The following EGFR variants were observed in gnomAD, a reference collection of about 807,000 sequenced individuals.
EGFR encodes the protein epidermal growth factor receptor.
EGFR carries 58 observed loss-of-function variants against 143.0 expected under a neutral mutation model. The observed-to-expected ratio is 0.41, with a 90% CI of 0.33 to 0.50. The LOEUF (loss-of-function observed/expected upper bound fraction) is 0.50, where lower values mean the gene tolerates loss of function less well. Ranked by LOEUF, EGFR falls within the 20% of genes least tolerant of loss-of-function variation. EGFR has a pLI of 0.39. For missense variants in EGFR, 1,307 were observed against 1,579.0 expected, an observed-to-expected ratio of 0.83 and a Z score of 2.92; for synonymous variants, 613 against 594.4, an observed-to-expected ratio of 1.03 and a Z score of -0.45.
intron 1 of EGFR, among the ~76,000 whole-genome samples, chr7:55,037,306 G>A (rs1037548042): frequency 6.6e-6 from 1 of 152,120 alleles, no homozygotes; most frequent in African/African-American, 2.4e-5. Flanking sequence ...GATAGAAAAC[G>A]TAGCCTCTGA....
chr7:55,191,997 C>T (rs760368480), intron 21 of EGFR, 123 bp downstream of exon 21: 59 of 1,445,614 alleles, frequency 4.1e-5, no homozygotes, highest in Non-Finnish European at 5.2e-5. Context: ...TGGGTGAGCT[C>T]GCAGCAGCTG....
At chr7:55,086,107 A>C (rs1037953581) in intron 1 of EGFR, among the ~76,000 whole-genome samples, 6 of 152,172 alleles carry the variant, frequency 3.9e-5, no homozygotes, top group Non-Finnish European at 7.4e-5. Context: ...ATTTTTGTGA[A>C]TTATCTCGTG....
chr7:55,086,788 T>G (rs1438992729), intron 1 of EGFR, among the ~76,000 whole-genome samples: 1 of 152,240 alleles, frequency 6.6e-6, no homozygotes. Context: ...TGACGACCCA[T>G]GGGAGAACAG....
chr7:55,106,240 C>T (rs1335490004), intron 1 of EGFR, among the ~76,000 whole-genome samples: 3 of 152,206 alleles, frequency 2.0e-5, no homozygotes, highest in African/African-American at 4.8e-5. Flanking sequence ...GTGTCAGGTA[C>T]GCACACGCTC....
At position 55,174,032 on chromosome 7, in the gene EGFR, A is replaced by G. The variant is rs2128953762; in HGVS notation, c.2173A>G (p.Thr725Ala). ...IKVLGSGAFG[T>A]VYKGLWIPEG... is the part of the protein sequence containing the mutation. ...AGTGCTGGGCTCCGGTGCGTTCGGC[A>G]CGGTGTATAAGGTAAGGTCCCTGGC... Residue 725 changes from threonine (T) to alanine (A), a missense_variant, in exon 18 of 28, where the codon ACG (threonine) becomes GCG (alanine). By Grantham distance (58) the Thr-to-Ala change is moderately conservative. Transcript: ENST00000275493. 1 of 1,614,244 alleles carries G rather than the reference A, an allele frequency of 6.2e-7. No individual in the cohort carries two copies. Among genetic ancestry groups the G allele is most frequent in the Non-Finnish European group, 8.5e-7 (1 of 1,180,046 alleles).
intron 1 of EGFR, among the ~76,000 whole-genome samples, chr7:55,027,928 A>G (rs1428032560): frequency 6.7e-6 from 1 of 148,746 alleles, no homozygotes; most frequent in Non-Finnish European, 1.5e-5. Context: ...ACAAATAAAG[A>G]GTGGAGTACA....
intron 1 of EGFR, among the ~76,000 whole-genome samples, chr7:55,106,756 A>T (rs942868715): frequency 3.3e-5 from 5 of 152,140 alleles, no homozygotes; most frequent in Non-Finnish European, 7.4e-5. Flanking sequence ...TTTATCCTTA[A>T]TGTGATGGTT....
At chr7:55,104,420 C>T (rs1238721133) in intron 1 of EGFR, among the ~76,000 whole-genome samples, 1 of 152,140 alleles carries the variant, frequency 6.6e-6, no homozygotes, top group African/African-American at 2.4e-5. Context: ...TGAGACAGGC[C>T]GGGTTTCAGT....
chr7:55,135,691 T>C (rs1344352898), intron 1 of EGFR, among the ~76,000 whole-genome samples: 1 of 152,184 alleles, frequency 6.6e-6, no homozygotes, highest in Non-Finnish European at 1.5e-5. Context: ...CAACTATAGG[T>C]TTTCTAGTTT....
chr7:55,188,573 G>A (rs998074162), intron 20 of EGFR, among the ~76,000 whole-genome samples: 1 of 152,098 alleles, frequency 6.6e-6, no homozygotes, highest in East Asian at 1.9e-4. Context: ...TTAAAGTGAG[G>A]GTCTCGGAGA....
chr7:55,087,523 G>A (rs1242790229), intron 1 of EGFR, among the ~76,000 whole-genome samples: 1 of 152,208 alleles, frequency 6.6e-6, no homozygotes, highest in Admixed American at 6.5e-5. Context: ...CATGGGTTGT[G>A]TGTAAAATGT....
chr7:55,158,323 G>C (rs535179293), intron 11 of EGFR, among the ~76,000 whole-genome samples: 3 of 152,292 alleles, frequency 2.0e-5, no homozygotes, highest in South Asian at 2.1e-4. Flanking sequence ...TAGTGGTGTG[G>C]AGGAGGAGAT....
intron 20 of EGFR, among the ~76,000 whole-genome samples, chr7:55,185,450 G>A (rs923524163): frequency 1.3e-5 from 2 of 152,258 alleles, no homozygotes; most frequent in Non-Finnish European, 2.9e-5. Context: ...TAAATCACAC[G>A]GCACAGTCAT....
chr7:55,190,033 G>A (rs1211171373), intron 20 of EGFR, among the ~76,000 whole-genome samples: 4 of 152,182 alleles, frequency 2.6e-5, no homozygotes, highest in Non-Finnish European at 5.9e-5. Flanking sequence ...GACAGCGGGG[G>A]CAGGGAGCTT....
At chr7:55,089,939 C>CTTAT (rs201718066) in intron 1 of EGFR, among the ~76,000 whole-genome samples, 325 of 145,196 alleles carry the variant, frequency 2.2e-3, no homozygotes, top group African/African-American at 4.5e-3. Context: ...GGTGATGCTA[C>CTTAT]TTATTTATTT....
At chr7:55,035,818 C>T (rs1787530781) in intron 1 of EGFR, among the ~76,000 whole-genome samples, 1 of 152,018 alleles carries the variant, frequency 6.6e-6, no homozygotes, top group Non-Finnish European at 1.5e-5. Flanking sequence ...TAAAGAATTG[C>T]ACATTCACAG....
At chr7:55,087,273 T>TAAAAAAAAAAAAAAAAA (rs373915835) in intron 1 of EGFR, among the ~76,000 whole-genome samples, 4 of 102,114 alleles carry the variant, frequency 3.9e-5, no homozygotes, top group Non-Finnish European at 5.5e-5. Flanking sequence ...TCTCAATTGT[T>TAAAAAAAAAAAAAAAAA]AAAAAAAAAA....
chr7:55,142,852 G>A (rs566460460), intron 2 of EGFR, among the ~76,000 whole-genome samples: 5 of 152,142 alleles, frequency 3.3e-5, no homozygotes, highest in East Asian at 1.9e-4. Context: ...CTTATTTCAC[G>A]ATAGGCGCTA....
chr7:55,126,909 A>G (rs1046377629), intron 1 of EGFR, among the ~76,000 whole-genome samples: 11 of 152,382 alleles, frequency 7.2e-5, no homozygotes, highest in South Asian at 2.1e-4. Context: ...ATACCGTAGT[A>G]TGAAATAGCC....
Sources: gnomAD v4.1 joint callset for allele counts (sites outside exome capture counted in the v4.1 genomes callset) on GRCh38, gnomAD v4.1.1 for gene constraint, MANE v1.5 for transcripts, NCBI Gene and HGNC (gene_info 2026-07-23, HGNC 2026-07-21) for gene names.